Variants in KCNA6 observed in about 807,000 individuals in gnomAD.
KCNA6 encodes potassium voltage-gated channel subfamily A member 6.
A neutral mutation model predicts 29.5 loss-of-function variants in KCNA6; 17 were observed. The observed-to-expected ratio is 0.58, with a 90% confidence interval of 0.39 to 0.86. The LOEUF is 0.86. KCNA6 is among the 40% of genes least tolerant of loss of function. KCNA6 has a pLI of 0.00. For synonymous variants in KCNA6, 296 were observed against 304.7 expected, an observed-to-expected ratio of 0.97 and a Z score of 0.30; for missense variants, 450 against 703.4, an observed-to-expected ratio of 0.64 and a Z score of 4.07.
the KCNA6 span, among the ~76,000 whole-genome samples, chr12:4,818,879 C>G: frequency 6.6e-6 from 1 of 151,996 alleles, no homozygotes; most frequent in South Asian, 2.1e-4. Context: ...CATATACACA[C>G]ATACGTATAT....
chr12:4,834,143 C>T, the KCNA6 span, among the ~76,000 whole-genome samples: 1 of 151,926 alleles, frequency 6.6e-6, no homozygotes, highest in Admixed American at 6.6e-5. Flanking sequence ...CTATGTTTCC[C>T]AGGTTGGTCT....
Position 4,810,488 on chromosome 12 carries a change from G to C in KCNA6, c.447G>C (p.Lys149Asn). ...TGCCCGAAGGTGGCGAGGACGAGAAGCCGCTGCCCTCCCAGCCCTTCCAGC... is the reference window on the plus strand; with the variant it reads ...TGCCCGAAGGTGGCGAGGACGAGAACCCGCTGCCCTCCCAGCCCTTCCAGC... Residue 149 changes from lysine (K) to asparagine (N), a missense_variant, in exon 1 of 1, where the codon AAG becomes AAC. By Grantham distance (94) the Lys-to-Asn change is moderately conservative. This residue lies in a region of KCNA6 where 133 missense variants were observed against 217.5 expected (regional missense o/e 0.61). Transcript: ENST00000280684. This position sits in a 1 kb window ranked among gnomAD's most constrained non-coding sequence, Gnocchi z 7.5. 1 of 1,614,182 alleles carries C rather than the reference G, an allele frequency of 6.2e-7. No homozygotes were observed. Among genetic ancestry groups the C allele is most frequent in the South Asian group, 1.1e-5 (1 of 91,084 alleles).
chr12:4,849,080 T>C, the KCNA6 span, among the ~76,000 whole-genome samples: 4 of 151,692 alleles, frequency 2.6e-5, no homozygotes, highest in Admixed American at 6.6e-5. Context: ...AAGATCGCCA[T>C]TGCACCCAGC....
the KCNA6 span, among the ~76,000 whole-genome samples, chr12:4,825,125 A>G: frequency 6.6e-6 from 1 of 152,220 alleles, no homozygotes. Context: ...TCAGTTACAC[A>G]TCTCCTGCTG....
the KCNA6 span, among the ~76,000 whole-genome samples, chr12:4,825,452 C>T: frequency 6.6e-6 from 1 of 152,182 alleles, no homozygotes; most frequent in Non-Finnish European, 1.5e-5. Flanking sequence ...CTCCATCCCC[C>T]TTTTATAGTA....
chr12:4,835,930 C>T, the KCNA6 span, among the ~76,000 whole-genome samples: 125 of 133,090 alleles, frequency 9.4e-4, no homozygotes, highest in South Asian at 4.5e-3. Flanking sequence ...AATAAAAAGT[C>T]GCTGTTTTTT....
chr12:4,830,760 C>T, the KCNA6 span, among the ~76,000 whole-genome samples: 2 of 152,230 alleles, frequency 1.3e-5, no homozygotes, highest in African/African-American at 4.8e-5. Context: ...CCCTGGGCTG[C>T]TTGGGCGGAG....
At chr12:4,846,995 A>G in the KCNA6 span, among the ~76,000 whole-genome samples, 1 of 151,534 alleles carries the variant, frequency 6.6e-6, no homozygotes, top group African/African-American at 2.4e-5. Flanking sequence ...CGTGTTAGCC[A>G]GGATGGTCTC....
At chr12:4,827,229 CTCCT>C in the KCNA6 span, among the ~76,000 whole-genome samples, 1 of 65,024 alleles carries the variant, frequency 1.5e-5, no homozygotes, top group East Asian at 5.2e-4. Context: ...TCCTTCCTTC[CTCCT>C]TCCTTCCTTC....
downstream of KCNA6, among the ~76,000 whole-genome samples, chr12:4,815,834 C>T (rs1168528372): frequency 6.6e-6 from 1 of 152,180 alleles, no homozygotes; most frequent in Non-Finnish European, 1.5e-5. Context: ...TGATGGTCTC[C>T]TTGCTAGAAG....
At chr12:4,840,151 G>T in the KCNA6 span, among the ~76,000 whole-genome samples, 7 of 150,880 alleles carry the variant, frequency 4.6e-5, no homozygotes, top group Admixed American at 2.0e-4. Context: ...CAGTTGATTT[G>T]GGCATAAAAT....
the KCNA6 span, among the ~76,000 whole-genome samples, chr12:4,827,504 G>A: frequency 3.3e-5 from 5 of 152,134 alleles, no homozygotes; most frequent in African/African-American, 1.2e-4. Flanking sequence ...GTATTCCCTG[G>A]GTCTCAGATT....
chr12:4,821,089 A>G, the KCNA6 span, among the ~76,000 whole-genome samples: 1 of 152,138 alleles, frequency 6.6e-6, no homozygotes, highest in South Asian at 2.1e-4. Flanking sequence ...TCTTCCCTGC[A>G]CTTTGTTGCC....
chr12:4,819,595 A>G, the KCNA6 span, among the ~76,000 whole-genome samples: 45 of 152,198 alleles, frequency 3.0e-4, no homozygotes, highest in African/African-American at 1.0e-3. Flanking sequence ...CCTTCACTCC[A>G]CCTAAAGAGC....
rs763497895 is a variant in KCNA6 at position 4,811,498 on chromosome 12, C to T, written c.1457C>T (p.Ala486Val). 9 of 1,614,178 alleles carry T rather than the reference C, an allele frequency of 5.6e-6. No individual in the cohort carries two copies. Among genetic ancestry groups the T allele is most frequent in the South Asian group, 1.1e-5 (1 of 91,076 alleles). ...ACCCACGTCACTTGTGGGCAGCCTG[C>T]GCCGGACCTGAGGGCAACTGACAAC... Residue 486 changes from alanine to valine, a missense_variant, in exon 1 of 1, where the codon GCG becomes GTG. Physicochemically the swap from Ala to Val is moderately conservative, Grantham distance 64 (BLOSUM62 0). Transcript: ENST00000280684. This position sits in a 1 kb window ranked among gnomAD's most constrained non-coding sequence, Gnocchi z 7.1.
the KCNA6 span, among the ~76,000 whole-genome samples, chr12:4,830,962 G>T: frequency 6.6e-6 from 1 of 152,188 alleles, no homozygotes; most frequent in South Asian, 2.1e-4. Context: ...CCTCTCTCAG[G>T]CCCTGCCCAC....
At chr12:4,813,368 T>C (rs924336432) in exon 1 of KCNA6, 1 of 167,110 alleles carries the variant, frequency 6.0e-6, no homozygotes, top group Non-Finnish European at 1.5e-5. Context: ...GCTGGGGACA[T>C]TGCTATGCAA....
chr12:4,828,540 G>C, the KCNA6 span, among the ~76,000 whole-genome samples: 3 of 152,290 alleles, frequency 2.0e-5, no homozygotes, highest in Non-Finnish European at 2.9e-5. Flanking sequence ...AATTTTCTAG[G>C]TATCACCTTT....
In KCNA6 at chr12:4,810,720, G is replaced by A. The variant is rs778428088; in HGVS notation, c.679G>A (p.Asp227Asn). 6.2e-7 allele frequency: 1 copy of A among 1,613,366 alleles called. No homozygotes were observed. The highest frequency in any genetic ancestry group is 1.7e-5 in the Admixed American group (1 of 60,006). Residue 227 changes from aspartate (D) to asparagine (N), a missense_variant, in exon 1 of 1, where the codon GAT (aspartate) becomes AAT (asparagine). Physicochemically the swap from Asp to Asn is conservative, Grantham distance 23. Coordinates refer to ENST00000280684, the Ensembl canonical transcript of KCNA6. The surrounding 1 kb of genome is among the most constrained non-coding windows in gnomAD (Gnocchi z 7.5). ...CAGGGGGAGTCAGGAGGAAGAGGAG[G>A]ATGAAGACGATTCCTACACATTTCA...
Sources: allele counts gnomAD v4.1 joint callset (sites outside exome capture counted in the v4.1 genomes callset), GRCh38; gene constraint gnomAD v4.1.1; regional missense constraint gnomAD v4.1.1; non-coding constraint Gnocchi (gnomAD v3.1); transcripts MANE v1.5; gene names NCBI Gene and HGNC (gene_info 2026-07-23, HGNC 2026-07-21).